TRAP1: variants seen among roughly 807,000 people sequenced by gnomAD.
TRAP1 encodes TNF receptor associated protein 1, also known as heat shock protein 75 kDa, mitochondrial.
In TRAP1, 102 loss-of-function variants were observed where a neutral mutation model predicts 89.1. The ratio of observed to expected loss-of-function variants is 1.15; its 90% confidence interval spans 0.98 to 1.35. The LOEUF (loss-of-function observed/expected upper bound fraction) is 1.35. Among genes scored for constraint, TRAP1 ranks in the 40% most tolerant of loss-of-function variants. The pLI, the probability that TRAP1 is intolerant of heterozygous loss-of-function variation, is 0.00. For missense variants in TRAP1, 1,256 were observed against 945.3 expected (o/e 1.33, Z -4.31); for synonymous variants, 508 against 388.0 (o/e 1.31, Z -3.64).
At chr16:3,706,863 T>C (rs1050373306) in intron 1 of TRAP1, among the ~76,000 whole-genome samples, 3 of 152,096 alleles carry the variant, frequency 2.0e-5, no homozygotes, top group Non-Finnish European at 2.9e-5. Flanking sequence ...GTGGACATGT[T>C]TTCATGTCTA....
intron 1 of TRAP1, among the ~76,000 whole-genome samples, chr16:3,694,755 G>A (rs971881521): frequency 2.0e-5 from 3 of 152,176 alleles, no homozygotes; most frequent in African/African-American, 7.2e-5. Flanking sequence ...TAGGATGACA[G>A]GTATGAGCCA....
intron 1 of TRAP1, among the ~76,000 whole-genome samples, chr16:3,697,183 G>A (rs1317703697): frequency 1.3e-5 from 2 of 152,056 alleles, no homozygotes; most frequent in Non-Finnish European, 2.9e-5. Flanking sequence ...TTGCCTATTG[G>A]TCAGATAAAA....
intron 9 of TRAP1, 41 bp downstream of exon 9, chr16:3,674,298 A>G (rs779645162): frequency 1.2e-6 from 2 of 1,607,778 alleles, no homozygotes; most frequent in Non-Finnish European, 1.7e-6. Context: ...AGGGGACAAC[A>G]GAGTCACCCT....
At chr16:3,658,275 C>G (rs1182347058) in intron 17 of TRAP1, 45 bp from the exon 18 acceptor site, 1 of 1,463,816 alleles carries the variant, frequency 6.8e-7, no homozygotes, top group African/African-American at 1.5e-5. Context: ...CATGGGGCAC[C>G]TTTTCATTTT....
At chr16:3,682,185 C>T (rs899316388) in intron 4 of TRAP1, among the ~76,000 whole-genome samples, 2 of 152,128 alleles carry the variant, frequency 1.3e-5, no homozygotes, top group African/African-American at 4.8e-5. Flanking sequence ...CCCTACCTCA[C>T]ACCATACACA....
intron 3 of TRAP1, among the ~76,000 whole-genome samples, chr16:3,687,986 A>G (rs1487841557): frequency 1.3e-5 from 2 of 152,088 alleles, no homozygotes; most frequent in African/African-American, 4.8e-5. Flanking sequence ...GGGAGTCAGG[A>G]ATGCAGCACT....
chr16:3,664,070 CAAAA>C (rs1014930956), intron 13 of TRAP1, 200 bp downstream of exon 13: 1 of 570,286 alleles, frequency 1.8e-6, no homozygotes, highest in Non-Finnish European at 2.9e-6. Flanking sequence ...CTCAAAAAAA[CAAAA>C]AACAAACAAA....
chr16:3,663,971 G>A, intron 13 of TRAP1: 1 of 354,216 alleles, frequency 2.8e-6, no homozygotes, highest in Non-Finnish European at 5.1e-6. Context: ...GCTGAGGCAG[G>A]AGAATGACCT....
In TRAP1 at chr16:3,672,770, C is replaced by G. The variant is rs766711212; in HGVS notation, c.1095G>C (p.Leu365=). ...TCTGGATGAGGACTTTGCGGCTGTA[C>G]AGTGCAACGCTGGAGCCCAGCTCCC... ...VSRELGSSVA[L]YSRKVLIQTK... Residue 365 remains leucine (L), a synonymous_variant, in exon 10 of 18, where the codon CTG becomes CTC. Coordinates refer to ENST00000246957, the MANE Select transcript of TRAP1 (RefSeq NM_016292.3). The G allele has an allele frequency of 2.5e-6, 4 of 1,612,442 alleles. No individual in the cohort carries two copies. Among genetic ancestry groups the G allele is most frequent in the Middle Eastern group, 1.7e-4 (1 of 6,060 alleles).
Position 3,658,225 on chromosome 16 carries a change from G to A in TRAP1, c.2019C>T (p.Tyr673=), listed in dbSNP as rs776747983. The A allele has an allele frequency of 5.5e-5, 88 of 1,613,350 alleles. 1 individual carries two copies. Among genetic ancestry groups the A allele is most frequent in the African/African-American group, 8.0e-5 (6 of 74,894 alleles). ...GLAQLLVDQI[Y]ENAMIAAGLV... Reference sequence around the variant, plus strand: ...GTCCAGCAGCAATCATGGCGTTCTCGTATATCTGAAAGGCAAGAGGAGAAA... The same window carrying A: ...GTCCAGCAGCAATCATGGCGTTCTCATATATCTGAAAGGCAAGAGGAGAAA... The change falls in exon 18 of 18, where the codon TAC becomes TAT. Residue 673 remains tyrosine (Y), a synonymous_variant. Coordinates refer to ENST00000246957, the MANE Select transcript of TRAP1 (RefSeq NM_016292.3).
At chr16:3,704,670 T>A (rs12921445) in intron 1 of TRAP1, among the ~76,000 whole-genome samples, 70 of 152,098 alleles carry the variant, frequency 4.6e-4, no homozygotes, top group African/African-American at 1.7e-3. Context: ...CTAGGTAACA[T>A]AGGGAGACCC....
At chr16:3,683,449 G>A (rs551537445) in intron 4 of TRAP1, among the ~76,000 whole-genome samples, 5 of 149,870 alleles carry the variant, frequency 3.3e-5, no homozygotes, top group South Asian at 2.1e-4. Context: ...GCAATGGCGC[G>A]ATCTCAGCTC....
chr16:3,663,624 G>C (rs1448790559), intron 13 of TRAP1, 62 bp from the exon 14 acceptor site: 1 of 1,601,172 alleles, frequency 6.2e-7, no homozygotes, highest in Middle Eastern at 1.8e-4. Context: ...ACAGAAGAAA[G>C]GATGAGGGCG....
At chr16:3,688,107 T>C (rs578248630) in intron 3 of TRAP1, among the ~76,000 whole-genome samples, 6 of 152,280 alleles carry the variant, frequency 3.9e-5, no homozygotes, top group South Asian at 4.1e-4. Context: ...ATAATCAGCA[T>C]GTCAACGATG....
At chr16:3,671,941 C>A in intron 10 of TRAP1, 150 bp from the exon 11 acceptor site, 1 of 801,208 alleles carries the variant, frequency 1.2e-6, no homozygotes, top group South Asian at 1.6e-5. Flanking sequence ...GCCGGAGCTT[C>A]CTCTACGTCC....
chr16:3,702,624 G>C (rs1184153840), intron 1 of TRAP1, among the ~76,000 whole-genome samples: 1 of 151,652 alleles, frequency 6.6e-6, no homozygotes, highest in Non-Finnish European at 1.5e-5. Context: ...CGCACCTGTA[G>C]TTCCAGCTAC....
intron 2 of TRAP1, chr16:3,689,955 C>G (rs1464202166): frequency 6.6e-6 from 1 of 152,236 alleles, no homozygotes; most frequent in Non-Finnish European, 1.5e-5. Context: ...AGCCTGGTTT[C>G]CCAATGTGCA....
chr16:3,661,898 C>A (rs1464349946), intron 16 of TRAP1, 89 bp downstream of exon 16: 2 of 1,465,512 alleles, frequency 1.4e-6, no homozygotes, highest in Non-Finnish European at 1.8e-6. Context: ...ACGCACTTTT[C>A]TTCTGTGTCA....
At chr16:3,695,547 AAAAAG>A (rs1567240014) in intron 1 of TRAP1, among the ~76,000 whole-genome samples, 1 of 151,760 alleles carries the variant, frequency 6.6e-6, no homozygotes, top group Non-Finnish European at 1.5e-5. Context: ...AAAAAAAAAA[AAAAAG>A]AAAAGAAAAA....
Sources: gnomAD v4.1 joint callset for allele counts (sites outside exome capture counted in the v4.1 genomes callset) on GRCh38, gnomAD v4.1.1 for gene constraint, MANE v1.5 for transcripts, NCBI Gene and HGNC (gene_info 2026-07-23, HGNC 2026-07-21) for gene names.